RSAD2: variants seen among roughly 807,000 people sequenced by gnomAD.
The protein encoded by RSAD2 is radical S-adenosyl methionine domain containing 2.
Under a neutral mutation model 37.7 loss-of-function variants are expected in RSAD2, and 38 were observed. The observed-to-expected ratio is 1.01, with a 90% CI of 0.78 to 1.32. RSAD2 has a LOEUF of 1.32. Ranked by LOEUF, RSAD2 falls within the 40% of genes most tolerant of loss-of-function variation. The pLI is 0.00. For missense variants in RSAD2, 428 were observed against 437.5 expected (o/e 0.98, Z 0.19); for synonymous variants, 163 against 157.4 (o/e 1.04, Z -0.27).
At chr2:6,889,750 G>GA (rs1418611070) in intron 3 of RSAD2, among the ~76,000 whole-genome samples, 1 of 152,174 alleles carries the variant, frequency 6.6e-6, no homozygotes, top group African/African-American at 2.4e-5. Context: ...GGTCTTACAT[G>GA]AAAAACAGAC....
chr2:6,880,541 C>G (rs957224711), intron 1 of RSAD2, among the ~76,000 whole-genome samples: 1 of 152,124 alleles, frequency 6.6e-6, no homozygotes, highest in African/African-American at 2.4e-5. Context: ...TATTTAGGCC[C>G]ACTGTTTTAC....
chr2:6,870,112 C>T (rs1243260494), intron 1 of RSAD2, among the ~76,000 whole-genome samples: 2 of 152,212 alleles, frequency 1.3e-5, no homozygotes, highest in Non-Finnish European at 1.5e-5. Context: ...AAACCCTAGA[C>T]TTCCTTTTGT....
intron 1 of RSAD2, among the ~76,000 whole-genome samples, chr2:6,868,209 A>C (rs1256770264): frequency 1.3e-5 from 2 of 152,216 alleles, no homozygotes; most frequent in Admixed American, 1.3e-4. Flanking sequence ...GAAAAAAAGA[A>C]ACAGAATGGG....
chr2:6,869,487 A>G (rs760619556), intron 1 of RSAD2, among the ~76,000 whole-genome samples: 14 of 152,330 alleles, frequency 9.2e-5, no homozygotes, highest in Admixed American at 5.2e-4. Flanking sequence ...CCCAAATACA[A>G]TTTTGGGCCC....
At chr2:6,881,177 C>G (rs750826174) in intron 1 of RSAD2, among the ~76,000 whole-genome samples, 1 of 152,204 alleles carries the variant, frequency 6.6e-6, no homozygotes, top group African/African-American at 2.4e-5. Context: ...CACTATATCA[C>G]ATCACCACAC....
At chr2:6,883,251 G>A in intron 1 of RSAD2, 120 bp from the exon 2 acceptor site, 1 of 1,088,758 alleles carries the variant, frequency 9.2e-7, no homozygotes, top group African/African-American at 1.6e-5. Flanking sequence ...AGGGTTAGGG[G>A]AGGGGAAATT....
intron 4 of RSAD2, among the ~76,000 whole-genome samples, chr2:6,893,428 T>A (rs1384549952): frequency 6.6e-6 from 1 of 152,174 alleles, no homozygotes; most frequent in Admixed American, 6.5e-5. Flanking sequence ...GCCTTCAGGA[T>A]GAAGGTTCTG....
At position 6,878,062 on chromosome 2, in the gene RSAD2, G is replaced by A. The variant is rs528111938; in HGVS notation, c.262G>A (p.Gly88Ser). ...HFTRQCNYKCGFCFHTAKTSF... is the reference protein window; with the variant it reads ...HFTRQCNYKCSFCFHTAKTSF... ...CACTCGCCAGTGCAACTACAAATGC[G>A]GCTTCTGTTTCCACACAGCCAAAAC... Residue 88 changes from glycine to serine, a missense_variant, in exon 1 of 6, where the codon GGC (glycine) becomes AGC (serine). By Grantham distance (56) the Gly-to-Ser change is moderately conservative. Transcript: ENST00000382040. 5 of 1,614,170 alleles carry A rather than the reference G, an allele frequency of 3.1e-6. No homozygotes were observed. The highest frequency in any genetic ancestry group is 3.4e-6 in the Non-Finnish European group (4 of 1,180,034).
chr2:6,888,904 C>T (rs1035502620), intron 3 of RSAD2, among the ~76,000 whole-genome samples: 1 of 152,200 alleles, frequency 6.6e-6, no homozygotes, highest in East Asian at 1.9e-4. Context: ...TGTCACCAGC[C>T]GTGTCCCCGG....
chr2:6,873,290 G>A (rs975224678), upstream of RSAD2, among the ~76,000 whole-genome samples: 2 of 152,092 alleles, frequency 1.3e-5, no homozygotes, highest in African/African-American at 4.8e-5. Flanking sequence ...TAAGAACCAA[G>A]GATTTCCATG....
chr2:6,874,866 T>C (rs1663257610), upstream of RSAD2, among the ~76,000 whole-genome samples: 1 of 152,220 alleles, frequency 6.6e-6, no homozygotes, highest in Non-Finnish European at 1.5e-5. Flanking sequence ...TCAGTAAAAA[T>C]CTGCTCTCCC....
upstream of RSAD2, among the ~76,000 whole-genome samples, chr2:6,874,171 G>A (rs1572151911): frequency 1.3e-5 from 2 of 151,958 alleles, no homozygotes; most frequent in African/African-American, 2.4e-5. Context: ...CTGGACATGC[G>A]AGACATCTTC....
chr2:6,866,142 G>A, intron 1 of RSAD2: 1 of 213,482 alleles, frequency 4.7e-6, no homozygotes, highest in South Asian at 5.1e-5. Flanking sequence ...GGGGGCGGGG[G>A]TGCACGCGCG....
chr2:6,878,574 A>T (rs1474766364), intron 1 of RSAD2, among the ~76,000 whole-genome samples: 2 of 152,212 alleles, frequency 1.3e-5, no homozygotes, highest in Non-Finnish European at 2.9e-5. Context: ...AAAAACAAAA[A>T]CTTTGACATA....
intron 2 of RSAD2, among the ~76,000 whole-genome samples, chr2:6,884,343 T>G (rs1252752218): frequency 4.0e-5 from 6 of 151,466 alleles, no homozygotes; most frequent in African/African-American, 7.3e-5. Context: ...TAGAGAAGAG[T>G]CAAGGTGTCA....
intron 1 of RSAD2, among the ~76,000 whole-genome samples, chr2:6,869,239 C>G (rs943199549): frequency 6.6e-6 from 1 of 152,146 alleles, no homozygotes; most frequent in Admixed American, 6.5e-5. Flanking sequence ...TCCTATTGTT[C>G]TTGCTCTACA....
At chr2:6,886,034 T>A (rs533031507) in intron 2 of RSAD2, among the ~76,000 whole-genome samples, 1 of 152,322 alleles carries the variant, frequency 6.6e-6, no homozygotes, top group South Asian at 2.1e-4. Flanking sequence ...GATAGTTGCT[T>A]AAAGAGTTTT....
chr2:6,873,437 T>C (rs969895366), upstream of RSAD2, among the ~76,000 whole-genome samples: 4 of 152,210 alleles, frequency 2.6e-5, no homozygotes, highest in East Asian at 5.8e-4. Context: ...CAAATGGGCT[T>C]TCCATAAGGA....
chr2:6,889,187 C>G (rs1663581125), intron 3 of RSAD2, among the ~76,000 whole-genome samples: 1 of 152,174 alleles, frequency 6.6e-6, no homozygotes, highest in South Asian at 2.1e-4. Context: ...TGATTCAAAC[C>G]TACATGGAAG....
Sources: allele counts gnomAD v4.1 joint callset (sites outside exome capture counted in the v4.1 genomes callset), GRCh38; gene constraint gnomAD v4.1.1; transcripts MANE v1.5; gene names NCBI Gene and HGNC (gene_info 2026-07-23, HGNC 2026-07-21).